FAM117B: variants seen among roughly 807,000 people sequenced by gnomAD.
FAM117B encodes family with sequence similarity 117 member B, also known as protein FAM117B.
FAM117B carries 22 observed loss-of-function variants against 52.8 expected under a neutral mutation model. The ratio of observed to expected loss-of-function variants is 0.42; its 90% CI spans 0.30 to 0.59. The LOEUF (loss-of-function observed/expected upper bound fraction) is 0.59, where lower values mean the gene tolerates loss of function less well. Ranked by LOEUF, FAM117B falls within the 20% of genes least tolerant of loss-of-function variation. The pLI is 0.22. For missense variants in FAM117B, 678 were observed against 802.6 expected (o/e 0.84, Z 1.88); for synonymous variants, 309 against 324.1 (o/e 0.95, Z 0.50).
At chr2:202,693,530 A>C (rs1690665520) in intron 1 of FAM117B, among the ~76,000 whole-genome samples, 1 of 152,220 alleles carries the variant, frequency 6.6e-6, no homozygotes, top group South Asian at 2.1e-4. Context: ...TGGGAGGTGG[A>C]GGTTGCAGTG....
chr2:202,748,266 A>T (rs1691665272), intron 4 of FAM117B, among the ~76,000 whole-genome samples: 1 of 152,170 alleles, frequency 6.6e-6, no homozygotes, highest in Non-Finnish European at 1.5e-5. Flanking sequence ...CTCTTACCAC[A>T]TATAAAAATC....
chr2:202,714,904 C>G (rs1432494660), intron 2 of FAM117B, among the ~76,000 whole-genome samples: 1 of 151,994 alleles, frequency 6.6e-6, no homozygotes, highest in East Asian at 1.9e-4. Flanking sequence ...TAGTACAGAA[C>G]AAAATGAAAA....
At chr2:202,739,180 C>G (rs1246306931) in intron 4 of FAM117B, among the ~76,000 whole-genome samples, 1 of 152,094 alleles carries the variant, frequency 6.6e-6, no homozygotes, top group African/African-American at 2.4e-5. Context: ...CAGAGTGAGA[C>G]TCTTGTCTCA....
chr2:202,727,086 G>A (rs779012886), intron 4 of FAM117B, among the ~76,000 whole-genome samples: 24 of 152,086 alleles, frequency 1.6e-4, no homozygotes, highest in Non-Finnish European at 3.2e-4. Context: ...ATTGAAATTG[G>A]ATGAGATCTC....
chr2:202,705,029 G>A (rs1009381679), intron 2 of FAM117B, among the ~76,000 whole-genome samples: 10 of 152,028 alleles, frequency 6.6e-5, no homozygotes, highest in Admixed American at 1.3e-4. Flanking sequence ...TAAGAGGGCC[G>A]GGCGCAGTGG....
At chr2:202,650,252 A>G (rs1032124369) in intron 1 of FAM117B, among the ~76,000 whole-genome samples, 1 of 152,156 alleles carries the variant, frequency 6.6e-6, no homozygotes, top group African/African-American at 2.4e-5. Flanking sequence ...AACTGATTAG[A>G]TTTGGTAGAT....
At chr2:202,684,963 G>A (rs1439018696) in intron 1 of FAM117B, among the ~76,000 whole-genome samples, 1 of 152,004 alleles carries the variant, frequency 6.6e-6, no homozygotes, top group African/African-American at 2.4e-5. Flanking sequence ...AGAAAAGAAG[G>A]TAAACCACAT....
At chr2:202,710,650 G>C (rs1574564688) in intron 2 of FAM117B, among the ~76,000 whole-genome samples, 1 of 151,774 alleles carries the variant, frequency 6.6e-6, no homozygotes, top group South Asian at 2.1e-4. Flanking sequence ...TCAAATACTA[G>C]ATCTTATTCT....
At chr2:202,697,035 C>A (rs930650950) in intron 2 of FAM117B, among the ~76,000 whole-genome samples, 1 of 152,134 alleles carries the variant, frequency 6.6e-6, no homozygotes, top group Non-Finnish European at 1.5e-5. Context: ...TACCACAGCA[C>A]ACCAGCCTGG....
intron 4 of FAM117B, among the ~76,000 whole-genome samples, chr2:202,731,368 T>TATATA (rs780138718): frequency 1.8e-4 from 17 of 95,834 alleles, no homozygotes; most frequent in Admixed American, 3.8e-4. Context: ...TATATATATA[T>TATATA]GGAGAGAGAG....
chr2:202,638,933 G>A (rs1259011839), intron 1 of FAM117B, among the ~76,000 whole-genome samples: 1 of 152,200 alleles, frequency 6.6e-6, no homozygotes. Flanking sequence ...TCCATGCAGA[G>A]TAGAACAAAG....
intron 3 of FAM117B, 30 bp from the exon 4 acceptor site, chr2:202,726,220 C>A: frequency 6.7e-7 from 1 of 1,483,866 alleles, no homozygotes; most frequent in Non-Finnish European, 9.4e-7. Context: ...AGAAAACACT[C>A]TGGTGTACTT....
chr2:202,659,334 G>T (rs573469660), intron 1 of FAM117B, among the ~76,000 whole-genome samples: 1 of 152,018 alleles, frequency 6.6e-6, no homozygotes, highest in South Asian at 2.1e-4. Flanking sequence ...TTTTGAGACA[G>T]AATCTCGCTC....
chr2:202,761,946 A>G (rs1691897204), intron 7 of FAM117B, among the ~76,000 whole-genome samples: 2 of 151,914 alleles, frequency 1.3e-5, no homozygotes, highest in Admixed American at 6.6e-5. Context: ...CACTATTAAT[A>G]TTTTAATCAC....
intron 2 of FAM117B, among the ~76,000 whole-genome samples, chr2:202,708,400 C>CT (rs898386499): frequency 2.0e-4 from 31 of 151,320 alleles, no homozygotes; most frequent in African/African-American, 6.3e-4. Flanking sequence ...TGCAGAATTT[C>CT]TTTTTTTTTA....
chr2:202,676,546 A>C (rs1690382107), intron 1 of FAM117B, among the ~76,000 whole-genome samples: 1 of 151,746 alleles, frequency 6.6e-6, no homozygotes, highest in Admixed American at 6.6e-5. Context: ...CACCTGGCTA[A>C]TTTTTGTGTT....
intron 1 of FAM117B, among the ~76,000 whole-genome samples, chr2:202,678,173 G>A (rs1690406028): frequency 6.6e-6 from 1 of 152,164 alleles, no homozygotes. Flanking sequence ...TGGATAAAAT[G>A]ACACAGATAC....
At position 202,740,623 on chromosome 2, in the gene FAM117B, C is replaced by A. The variant is rs568373284; in HGVS notation, c.960+14260C>A. On this transcript the variant is annotated intron_variant, in intron 4 of 7. Coordinates refer to ENST00000392238, the MANE Select transcript of FAM117B (RefSeq NM_173511.4). Reference sequence around the variant, plus strand: ...GTGTGGAAGTTCAGCTATTCTAAATCTAAAATAATTGGTTTTGGTACATAT... The same window carrying A: ...GTGTGGAAGTTCAGCTATTCTAAATATAAAATAATTGGTTTTGGTACATAT... 7.9e-5 allele frequency among the ~76,000 whole-genome samples: 12 copies of A among 152,174 alleles called. No individual in the cohort carries two copies. The South Asian group carries it at 2.3e-3, about 29-fold the overall frequency.
intron 1 of FAM117B, among the ~76,000 whole-genome samples, chr2:202,677,901 C>T (rs1263909087): frequency 2.0e-5 from 3 of 152,108 alleles, no homozygotes; most frequent in Non-Finnish European, 4.4e-5. Flanking sequence ...ATATGAATTG[C>T]TCAGTGTTTG....
Sources: allele counts gnomAD v4.1 joint callset (sites outside exome capture counted in the v4.1 genomes callset), GRCh38; gene constraint gnomAD v4.1.1; transcripts MANE v1.5; gene names NCBI Gene and HGNC (gene_info 2026-07-23, HGNC 2026-07-21).